The following ACSM3 variants were observed in gnomAD, a reference collection of about 807,000 sequenced individuals.
The protein encoded by ACSM3 is acyl-coenzyme A synthetase ACSM3, mitochondrial.
A neutral mutation model predicts 74.1 loss-of-function variants in ACSM3; 61 were observed. The observed-to-expected ratio is 0.82, with a 90% CI of 0.67 to 1.02. ACSM3 has a LOEUF of 1.02. Ranked by LOEUF, ACSM3 falls within the 50% of genes least tolerant of loss-of-function variation. ACSM3 has a pLI of 0.00. For synonymous variants in ACSM3, 213 were observed against 241.5 expected, an observed-to-expected ratio of 0.88 and a Z score of 1.09; for missense variants, 660 against 697.0, an observed-to-expected ratio of 0.95 and a Z score of 0.60.
intron 1 of ACSM3, among the ~76,000 whole-genome samples, chr16:20,765,302 T>G (rs1023135063): frequency 1.3e-5 from 2 of 152,170 alleles, no homozygotes; most frequent in African/African-American, 4.8e-5. Flanking sequence ...AATGCTAAGA[T>G]CGATGAAAAG....
intron 1 of ACSM3, chr16:20,682,206 T>A: frequency 1.3e-6 from 2 of 1,573,360 alleles, no homozygotes; most frequent in Non-Finnish European, 1.7e-6. Context: ...TCCTAAATTA[T>A]CCCACAACAA....
chr16:20,740,372 CCTTGGGTGACAGAG>C (rs2079906308), intron 1 of ACSM3, among the ~76,000 whole-genome samples: 1 of 152,154 alleles, frequency 6.6e-6, no homozygotes, highest in Non-Finnish European at 1.5e-5. Context: ...CCAACCTCCA[CCTTGGGTGACAGAG>C]CAAGACCGCT....
intron 2 of ACSM3, among the ~76,000 whole-genome samples, chr16:20,750,255 C>T (rs186406730): frequency 3.9e-5 from 6 of 152,234 alleles, no homozygotes; most frequent in South Asian, 4.1e-4. Flanking sequence ...TAACCATATG[C>T]GTGTATTATT....
intron 1 of ACSM3, among the ~76,000 whole-genome samples, chr16:20,730,190 A>T (rs1264074908): frequency 6.6e-6 from 1 of 152,120 alleles, no homozygotes; most frequent in African/African-American, 2.4e-5. Context: ...CTATAGGAAA[A>T]ACTACAGTAG....
chr16:20,743,016 C>T (rs934922144), intron 1 of ACSM3, among the ~76,000 whole-genome samples: 10 of 149,798 alleles, frequency 6.7e-5, no homozygotes, highest in African/African-American at 2.5e-4. Flanking sequence ...TCTGGGCTCA[C>T]TGCAAGCTCC....
intron 1 of ACSM3, among the ~76,000 whole-genome samples, chr16:20,677,988 AT>A (rs2079342924): frequency 6.8e-6 from 1 of 146,098 alleles, no homozygotes; most frequent in African/African-American, 2.7e-5. Flanking sequence ...AAGGGGCACC[AT>A]AAAGGAAGAA....
At chr16:20,789,375 T>C (rs2080543224) in intron 9 of ACSM3, 2 of 823,956 alleles carry the variant, frequency 2.4e-6, no homozygotes, top group East Asian at 4.9e-5. Context: ...CATTAATTAC[T>C]TAGCATGTAT....
intron 1 of ACSM3, chr16:20,731,695 GA>G: frequency 2.5e-6 from 1 of 405,102 alleles, no homozygotes; most frequent in Non-Finnish European, 4.4e-6. Context: ...TGAGCTTCAG[GA>G]TCATGTGAAA....
At chr16:20,741,927 C>CG (rs2079930933) in intron 1 of ACSM3, 1 of 1,533,590 alleles carries the variant, frequency 6.5e-7, no homozygotes, top group South Asian at 1.2e-5. Flanking sequence ...GAGTGATACC[C>CG]GCCCAAGCCC....
chr16:20,742,774 C>T (rs1016916060), intron 1 of ACSM3, among the ~76,000 whole-genome samples: 1 of 147,692 alleles, frequency 6.8e-6, no homozygotes, highest in Non-Finnish European at 1.5e-5. Flanking sequence ...ATGAATCCAA[C>T]ATAGTCTGGT....
intron 1 of ACSM3, among the ~76,000 whole-genome samples, chr16:20,713,379 T>G (rs117242883): frequency 0.012 from 1,806 of 152,276 alleles, 18 homozygotes; most frequent in Non-Finnish European, 0.019. Context: ...TCTCCATTAG[T>G]AAAATACTTT....
At chr16:20,701,127 TA>T (rs1567319211) in intron 1 of ACSM3, among the ~76,000 whole-genome samples, 1 of 152,100 alleles carries the variant, frequency 6.6e-6, no homozygotes, top group African/African-American at 2.4e-5. Flanking sequence ...AATTTATATA[TA>T]AAAAATGCTG....
intron 2 of ACSM3, among the ~76,000 whole-genome samples, chr16:20,772,012 C>A (rs1422754878): frequency 6.6e-6 from 1 of 152,118 alleles, no homozygotes; most frequent in Non-Finnish European, 1.5e-5. Context: ...TTTTCATATA[C>A]TTGCTGCCAA....
intron 1 of ACSM3, chr16:20,697,617 A>G (rs2079697071): frequency 6.6e-6 from 1 of 151,194 alleles, no homozygotes; most frequent in South Asian, 2.1e-4. Flanking sequence ...ATAGAAGCTG[A>G]CCTTCACCTC....
At chr16:20,789,476 T>C (rs201254194) in intron 9 of ACSM3, 18 of 1,608,224 alleles carry the variant, frequency 1.1e-5, no homozygotes, top group African/African-American at 2.7e-5. Context: ...GTGGCTTACT[T>C]ACCATTGTCA....
intron 1 of ACSM3, chr16:20,729,178 C>T: frequency 1.5e-6 from 1 of 677,772 alleles, no homozygotes; most frequent in South Asian, 1.6e-5. Context: ...GAGTGTTATA[C>T]CCATTTCTGT....
Position 20,790,881 on chromosome 16 carries a change from C to T in ACSM3, c.1326+193C>T. On this transcript the variant is annotated intron_variant, in intron 10 of 13. Transcript: ENST00000289416. The surrounding 1 kb of genome is among the most constrained non-coding windows in gnomAD (Gnocchi z 4.0). Reference sequence around the variant, plus strand: ...TCTTGCTGAAGAAAAGCATGCTGGTCCCCTGAGGCCAGATCACTGTTCCAG... The same window carrying T: ...TCTTGCTGAAGAAAAGCATGCTGGTTCCCTGAGGCCAGATCACTGTTCCAG... 2 of 1,614,004 alleles carry T rather than the reference C, an allele frequency of 1.2e-6. No individual in the cohort carries two copies. The highest frequency in any genetic ancestry group is 1.7e-6 in the Non-Finnish European group (2 of 1,179,948).
rs2080565995 is a variant in ACSM3, at chr16:20,790,159, A to G, written c.1225-428A>G. Among the ~76,000 whole-genome samples, 1 of 152,162 alleles carries G rather than the reference A, an allele frequency of 6.6e-6. No homozygotes were observed. The highest frequency in any genetic ancestry group is 2.1e-4 in the South Asian group (1 of 4,824). On this transcript the variant is annotated intron_variant, in intron 9 of 13. Transcript: ENST00000289416. This position sits in a 1 kb window ranked among gnomAD's most constrained non-coding sequence, Gnocchi z 4.0. The stretch of plus-strand genomic sequence containing the variant: ...CTCTTAGGAATTTAAAGTATATTTA[A>G]AATATTTTTGGGCCAGGTGCAGTGG...
chr16:20,692,589 G>A (rs1420631461), intron 1 of ACSM3, among the ~76,000 whole-genome samples: 1 of 152,176 alleles, frequency 6.6e-6, no homozygotes, highest in Non-Finnish European at 1.5e-5. Context: ...GTGGCTCTTA[G>A]TTGATTGTCT....
Sources: gnomAD v4.1 joint callset for allele counts (sites outside exome capture counted in the v4.1 genomes callset) on GRCh38, gnomAD v4.1.1 for gene constraint, Gnocchi (gnomAD v3.1) non-coding constraint, MANE v1.5 for transcripts, NCBI Gene and HGNC (gene_info 2026-07-23, HGNC 2026-07-21) for gene names.